The following MROH1 variants were observed in gnomAD, a reference collection of about 807,000 sequenced individuals.
MROH1 encodes maestro heat like repeat family member 1.
MROH1 carries 117 observed loss-of-function variants against 116.5 expected under a neutral mutation model. The observed-to-expected ratio is 1.00, with a 90% CI of 0.86 to 1.17. MROH1 has a LOEUF of 1.17. Among genes scored for constraint, MROH1 ranks in the 50% most tolerant of loss-of-function variants. MROH1 has a pLI of 0.00. For missense variants in MROH1, 1,873 were observed against 1,338.5 expected (o/e 1.40, Z -6.23); for synonymous variants, 921 against 583.9 (o/e 1.58, Z -8.32).
intron 1 of MROH1, among the ~76,000 whole-genome samples, chr8:144,157,183 C>A (rs2130716954): frequency 6.6e-6 from 1 of 152,226 alleles, no homozygotes; most frequent in South Asian, 2.1e-4. Flanking sequence ...GTCTCGAACT[C>A]CTGACCTTAT....
chr8:144,221,627 G>A (rs1454128965), intron 13 of MROH1, among the ~76,000 whole-genome samples: 2 of 152,012 alleles, frequency 1.3e-5, no homozygotes, highest in African/African-American at 4.8e-5. Flanking sequence ...CTGTTGCGGT[G>A]CTCCTTACGT....
intron 33 of MROH1, chr8:144,254,404 C>T (rs979132495): frequency 5.4e-4 from 92 of 171,560 alleles, no homozygotes; most frequent in African/African-American, 1.8e-3. Context: ...GGTGCGTCTG[C>T]GGTGCCATCT....
intron 24 of MROH1, among the ~76,000 whole-genome samples, chr8:144,243,141 T>C (rs990264211): frequency 2.0e-5 from 3 of 152,248 alleles, no homozygotes; most frequent in Admixed American, 2.0e-4. Context: ...CCTTGAAGAA[T>C]AGGCCCTCTG....
At chr8:144,185,424 C>T (rs1020808892) in intron 7 of MROH1, among the ~76,000 whole-genome samples, 1 of 151,402 alleles carries the variant, frequency 6.6e-6, no homozygotes, top group African/African-American at 2.4e-5. Context: ...GAATTAAATA[C>T]TTAAGCTGCT....
chr8:144,208,541 T>C (rs894422456), intron 12 of MROH1, among the ~76,000 whole-genome samples: 2 of 152,158 alleles, frequency 1.3e-5, no homozygotes, highest in Admixed American at 1.3e-4. Flanking sequence ...CCTACTCCAG[T>C]GTGACCCCCT....
At chr8:144,226,175 A>G (rs1459196280) in intron 14 of MROH1, among the ~76,000 whole-genome samples, 1 of 152,052 alleles carries the variant, frequency 6.6e-6, no homozygotes, top group Non-Finnish European at 1.5e-5. Flanking sequence ...TCGGCCTCCC[A>G]AAGTGCTGGG....
Position 144,239,356 on chromosome 8 carries a change from G to C in MROH1, c.1625G>C (p.Arg542Thr). 1.3e-6 allele frequency: 1 copy of C among 780,494 alleles called. No individual in the cohort carries two copies. The highest frequency in any genetic ancestry group is 1.3e-5 in the South Asian group (1 of 74,612). 48.3% of individuals were successfully genotyped at this position (780,494 alleles called of 1,614,324 possible). A position where few individuals can be genotyped will look rare whatever the true frequency, so the allele number is the denominator to read the frequency against. Residue 542 changes from arginine to threonine, a missense_variant, in exon 17 of 44, where the codon AGA becomes ACA. Transcript: ENST00000326134. ...CCGTCTCCCTATGCTGTAACCGGAA[G>C]ACTGTTGGTGAGCCTCGCCCTTTCA... ...SLPSPYAVTG[R>T]LLVVSSSPYL...
chr8:144,261,637 C>G lies in MROH1; in HGVS notation c.4841-18C>G. 1.4e-6 allele frequency: 1 copy of G among 707,376 alleles called. No individual in the cohort carries two copies. Among genetic ancestry groups the G allele is most frequent in the South Asian group, 1.5e-5 (1 of 67,728 alleles). The allele number at this position is 707,376 out of a possible 1,614,324, so 43.8% of individuals were successfully genotyped here. On this transcript the variant is annotated intron_variant, in intron 43 of 43. Transcript: ENST00000326134. Reference sequence around the variant, plus strand: ...CCGAGGTCACAGCCCGCAGGCAGCCCCCCTCCTCTACCCCCAGCGCTCCAG... The same window carrying G: ...CCGAGGTCACAGCCCGCAGGCAGCCGCCCTCCTCTACCCCCAGCGCTCCAG...
intron 10 of MROH1, 43 bp downstream of exon 10, chr8:144,192,444 C>A: frequency 6.6e-7 from 1 of 1,506,792 alleles, no homozygotes; most frequent in Non-Finnish European, 9.0e-7. Context: ...TTCTGCACAC[C>A]CTTCCGTGGG....
chr8:144,205,752 T>C (rs572647327), intron 12 of MROH1, among the ~76,000 whole-genome samples: 1 of 152,314 alleles, frequency 6.6e-6, no homozygotes, highest in African/African-American at 2.4e-5. Flanking sequence ...GATTCCCTGT[T>C]ACATGTGTGT....
At position 144,168,278 on chromosome 8, in the gene MROH1, A is replaced by G; in HGVS notation, c.23-17A>G. The G allele has an allele frequency of 6.3e-7, 1 of 1,581,274 alleles. No individual in the cohort carries two copies. The highest frequency in any genetic ancestry group is 8.6e-7 in the Non-Finnish European group (1 of 1,168,878). On this transcript the variant is annotated splice_polypyrimidine_tract_variant and intron_variant, in intron 3 of 43. Coordinates refer to ENST00000326134, the MANE Select transcript of MROH1 (RefSeq NM_032450.3). The stretch of plus-strand genomic sequence containing the variant: ...GCGCTTGGGCCTGAGCATGCTAACC[A>G]GGCTTTGTCGCTGCAGAGCTGGCCT...
At chr8:144,256,806 G>A (rs1270697081) in intron 35 of MROH1, among the ~76,000 whole-genome samples, 8 of 152,258 alleles carry the variant, frequency 5.3e-5, no homozygotes, top group African/African-American at 1.7e-4. Context: ...ACATTCGTGA[G>A]CCAAACACAC....
intron 32 of MROH1, among the ~76,000 whole-genome samples, chr8:144,249,995 CTT>C (rs1842585987): frequency 6.6e-6 from 1 of 152,234 alleles, no homozygotes; most frequent in South Asian, 2.1e-4. Flanking sequence ...GCACTGGCCA[CTT>C]TGCACGCAGA....
intron 12 of MROH1, among the ~76,000 whole-genome samples, chr8:144,209,144 G>A (rs1294300697): frequency 1.3e-5 from 2 of 151,768 alleles, no homozygotes; most frequent in African/African-American, 4.8e-5. Flanking sequence ...TGATCTGCCC[G>A]CCTCAGCCTC....
Position 144,180,070 on chromosome 8 carries a change from T to C in MROH1, c.301-108T>C. 1 of 1,422,884 alleles carries C rather than the reference T, an allele frequency of 7.0e-7. No individual in the cohort carries two copies. Among genetic ancestry groups the C allele is most frequent in the Non-Finnish European group, 9.7e-7 (1 of 1,029,074 alleles). The allele number at this position is 1,422,884 out of a possible 1,614,324, so 88.1% of individuals were successfully genotyped here. ...GCCCGCCACCTTCCCTGACCTGCAC[T>C]TTCTGGGGACGCTGAAAACAGCGTG... On this transcript the variant is annotated intron_variant, in intron 5 of 43. Transcript: ENST00000326134. The surrounding 1 kb of genome is among the most constrained non-coding windows in gnomAD (Gnocchi z 7.4).
At chr8:144,207,199 G>GT (rs1833015770) in intron 12 of MROH1, among the ~76,000 whole-genome samples, 1 of 151,482 alleles carries the variant, frequency 6.6e-6, no homozygotes, top group Admixed American at 6.6e-5. Context: ...GCCAGTTGTT[G>GT]TTTTTTTGAG....
At chr8:144,172,767 T>C (rs903209238) in intron 4 of MROH1, among the ~76,000 whole-genome samples, 7 of 152,114 alleles carry the variant, frequency 4.6e-5, no homozygotes, top group Non-Finnish European at 1.0e-4. Context: ...CTACGCCCTA[T>C]AAGCACTCCC....
intron 7 of MROH1, among the ~76,000 whole-genome samples, chr8:144,189,812 C>T (rs1008643111): frequency 3.3e-5 from 5 of 152,140 alleles, no homozygotes; most frequent in African/African-American, 4.8e-5. Flanking sequence ...GATGGGTGGG[C>T]GTGGCACTGC....
chr8:144,255,125 C>T (rs981192885), intron 34 of MROH1, 147 bp downstream of exon 34: 3 of 605,184 alleles, frequency 5.0e-6, no homozygotes, highest in Non-Finnish European at 8.9e-6. Context: ...TGAGCTCAGG[C>T]TCGTAAAGGC....
Sources: gnomAD v4.1 joint callset for allele counts (sites outside exome capture counted in the v4.1 genomes callset) on GRCh38, gnomAD v4.1.1 for gene constraint, Gnocchi (gnomAD v3.1) non-coding constraint, MANE v1.5 for transcripts, NCBI Gene and HGNC (gene_info 2026-07-23, HGNC 2026-07-21) for gene names.